CFAP46: variants seen among roughly 807,000 people sequenced by gnomAD.
CFAP46 encodes cilia- and flagella-associated protein 46.
CFAP46 carries 245 observed loss-of-function variants against 325.7 expected under a neutral mutation model. The observed-to-expected ratio is 0.75, with a 90% CI of 0.68 to 0.84. The LOEUF (loss-of-function observed/expected upper bound fraction) is 0.84. Ranked by LOEUF, CFAP46 falls within the 40% of genes least tolerant of loss-of-function variation. CFAP46 has a pLI of 0.00. For synonymous variants in CFAP46, 1,523 were observed against 1,495.9 expected, an observed-to-expected ratio of 1.02 and a Z score of -0.42; for missense variants, 3,346 against 3,543.0, an observed-to-expected ratio of 0.94 and a Z score of 1.41.
rs902124633 is a variant in CFAP46 at position 132,924,759 on chromosome 10, T to C, written c.1193A>G (p.Asn398Ser). The C allele has an allele frequency of 4.7e-5, 72 of 1,538,000 alleles. No individual in the cohort carries two copies. The highest frequency in any genetic ancestry group is 1.8e-6 in the Non-Finnish European group (2 of 1,141,508). The change falls in exon 11 of 58, where the codon AAC becomes AGC. Residue 398 changes from asparagine (N) to serine (S), a missense_variant. Coordinates refer to ENST00000368586, the MANE Select transcript of CFAP46 (RefSeq NM_001200049.3). ...GGGCTTCCGCAGGTGGTGCCGCAGGTTGTGCTGCAGCAGGGGCAGGCAGGT... is the reference window on the plus strand; with the variant it reads ...GGGCTTCCGCAGGTGGTGCCGCAGGCTGTGCTGCAGCAGGGGCAGGCAGGT... ...WNTCLPLLQH[N>S]LRHHLRKPLA...
At chr10:132,860,745 C>T in intron 36 of CFAP46, 37 bp downstream of exon 36, 1 of 1,544,908 alleles carries the variant, frequency 6.5e-7, no homozygotes, top group South Asian at 1.2e-5. Context: ...CCTGGCCCGG[C>T]ACCCGACATG....
chr10:132,887,537 C>G (rs1319976574), intron 25 of CFAP46, among the ~76,000 whole-genome samples: 11 of 105,448 alleles, frequency 1.0e-4, no homozygotes, highest in Non-Finnish European at 1.4e-4. Context: ...CTCTCCTCTC[C>G]CCTCTTCTCT....
chr10:132,924,580 G>T, intron 11 of CFAP46, 116 bp downstream of exon 11: 2 of 1,014,714 alleles, frequency 2.0e-6, no homozygotes, highest in Middle Eastern at 3.4e-4. Flanking sequence ...AGTACAGGGG[G>T]AGTCTGTTGC....
rs750438174 is a variant in CFAP46, at chr10:132,808,549, C to G, written c.8020G>C (p.Gly2674Arg). 5 of 1,613,012 alleles carry G rather than the reference C, an allele frequency of 3.1e-6. No individual in the cohort carries two copies. Among genetic ancestry groups the G allele is most frequent in the Non-Finnish European group, 8.5e-7 (1 of 1,179,952 alleles). Residue 2674 changes from glycine to arginine, a missense_variant, in exon 58 of 58, where the codon GGT becomes CGT. Gly to Arg is a moderately radical substitution (Grantham distance 125). Transcript: ENST00000368586. The surrounding 1 kb of genome is among the most constrained non-coding windows in gnomAD (Gnocchi z 6.8). ...SSSACLCAPW[G>R]LRRGWSCVSS... ...ACGCAGCTCCAGCCCCGACGCAGAC[C>G]CCATGGCGCACACAGGCAGGCAGAG...
chr10:132,850,968 G>A (rs546774633), intron 40 of CFAP46, 149 bp downstream of exon 40: 18 of 834,156 alleles, frequency 2.2e-5, no homozygotes, highest in Admixed American at 2.7e-5. Context: ...GACAATGCCC[G>A]GGAGCTCCCC....
intron 41 of CFAP46, among the ~76,000 whole-genome samples, chr10:132,849,506 G>C (rs976849358): frequency 4.6e-5 from 7 of 152,200 alleles, no homozygotes; most frequent in African/African-American, 1.7e-4. Context: ...GGTGCCTTCC[G>C]GGGGAGGAGC....
At position 132,879,521 on chromosome 10, in the gene CFAP46, C is replaced by G. The variant is rs754794980; in HGVS notation, c.3910G>C (p.Val1304Leu). 1.3e-6 allele frequency: 2 copies of G among 1,547,158 alleles called. No homozygotes were observed. The highest frequency in any genetic ancestry group is 2.4e-5 in the South Asian group (2 of 83,896). The part of the protein sequence containing the change: ...SVRQLEALAR[V>L]HILLALVLSP... ...AGCACCAGGGCCAGCAGGATGTGCACGCGGGCCAGCGCCTCCAGCTGCCGC... is the reference window on the plus strand; with the variant it reads ...AGCACCAGGGCCAGCAGGATGTGCAGGCGGGCCAGCGCCTCCAGCTGCCGC... The change falls in exon 29 of 58, where the codon GTG becomes CTG. Residue 1304 changes from valine (V) to leucine (L), a missense_variant. Val to Leu is a conservative substitution (Grantham distance 32, BLOSUM62 1). Transcript: ENST00000368586.
chr10:132,820,854 CTGA>C (rs1308979069), intron 50 of CFAP46, among the ~76,000 whole-genome samples: 1 of 120,106 alleles, frequency 8.3e-6, no homozygotes, highest in Non-Finnish European at 1.7e-5. Context: ...TGTGTGTGCG[CTGA>C]TGTGTGCTGT....
rs1300436227 is a variant in CFAP46, at chr10:132,885,741, TGTGGGGAGCACTCAC to T, written c.3443+65_3443+79del. 5.1e-5 allele frequency: 69 copies of T among 1,361,006 alleles called. No individual in the cohort carries two copies. In the African/African-American group the frequency reaches 1.0e-3, roughly 21 times the overall value. 84.3% of individuals were successfully genotyped at this position (1,361,006 alleles called of 1,614,324 possible). On this transcript the variant is annotated intron_variant, in intron 26 of 57. Transcript: ENST00000368586. ...CAGTGGGTGGAGCACTCACAGGCGG[TGTGGGGAGCACTCAC>T]AGGCGGTGGGGGGAGCACTCAGGCG...
chr10:132,850,180 G>A (rs890809502), intron 41 of CFAP46, 64 bp downstream of exon 41: 3 of 1,494,404 alleles, frequency 2.0e-6, no homozygotes, highest in Non-Finnish European at 1.8e-6. Context: ...CACTTCGCTT[G>A]TGTTTTTCAG....
rs569834605 is a variant in CFAP46, at chr10:132,851,033, C to T, written c.5763+84G>A. The T allele has an allele frequency of 4.1e-3, 6,258 of 1,528,228 alleles. 15 individuals carry two copies. Among genetic ancestry groups the T allele is most frequent in the Admixed American group, 6.9e-3 (392 of 57,118 alleles). The allele number at this position is 1,528,228 out of a possible 1,614,324, so 94.7% of individuals were successfully genotyped here. ...ACCGCCAGGTGCACAGTGGTGGAGA[C>T]GGCTCCTGCTGGAACGGGGGTCCCA... On this transcript the variant is annotated intron_variant, in intron 40 of 57. Coordinates refer to ENST00000368586, the MANE Select transcript of CFAP46 (RefSeq NM_001200049.3).
intron 1 of CFAP46, 57 bp downstream of exon 1, chr10:132,942,379 G>T: frequency 2.8e-6 from 2 of 707,728 alleles, no homozygotes; most frequent in East Asian, 3.8e-5. Flanking sequence ...CGGGGCGGGG[G>T]TCGTGGCGGG....
In CFAP46 at chr10:132,860,976, C is replaced by T; in HGVS notation, c.4897G>A (p.Asp1633Asn). 3 of 1,550,606 alleles carry T rather than the reference C, an allele frequency of 1.9e-6. No homozygotes were observed. Among genetic ancestry groups the T allele is most frequent in the South Asian group, 2.4e-5 (2 of 84,056 alleles). The change falls in exon 36 of 58, where the codon GAT (aspartate) becomes AAT (asparagine). Residue 1633 changes from aspartate to asparagine, a missense_variant. Coordinates refer to ENST00000368586, the MANE Select transcript of CFAP46 (RefSeq NM_001200049.3). ...CACTGGGCCTCTGCACAAGGCTCATCCAGCTCCTGAAGGAGAGAAACTCAG... is the reference window on the plus strand; with the variant it reads ...CACTGGGCCTCTGCACAAGGCTCATTCAGCTCCTGAAGGAGAGAAACTCAG... ...SEAYLAFQEL[D>N]EPCAEAQCLL...
At chr10:132,836,373 C>T (rs1848248078) in intron 45 of CFAP46, among the ~76,000 whole-genome samples, 155 bp from the exon 46 acceptor site, 1 of 152,034 alleles carries the variant, frequency 6.6e-6, no homozygotes, top group Admixed American at 6.5e-5. Flanking sequence ...CCAGGGGCAC[C>T]GCTGGGTGTG....
chr10:132,920,190 C>T lies in CFAP46; in HGVS notation c.1607-8G>A, dbSNP rs772976282. 66 of 1,527,218 alleles carry T rather than the reference C, an allele frequency of 4.3e-5. No individual in the cohort carries two copies. Among genetic ancestry groups the T allele is most frequent in the Admixed American group, 6.5e-5 (3 of 45,976 alleles). 94.6% of individuals were successfully genotyped at this position (1,527,218 alleles called of 1,614,324 possible). On this transcript the variant is annotated splice_polypyrimidine_tract_variant and splice_region_variant and intron_variant, in intron 13 of 57. Transcript: ENST00000368586. ...TGTTCTTCCCGGTGGAGACTGAGGGCGGAAATGCAAAGGCAGGTGTTGCAG... is the reference window on the plus strand; with the variant it reads ...TGTTCTTCCCGGTGGAGACTGAGGGTGGAAATGCAAAGGCAGGTGTTGCAG...
rs1239552716 is a variant in CFAP46, at chr10:132,939,173, C to T, written c.372-420G>A. ...GACAGAGGGAATCAAGGAAGGCTTC[C>T]TGGAGGAGGTTACATGCCTGCTGTG... On this transcript the variant is annotated intron_variant, in intron 4 of 57. Transcript: ENST00000368586. This position sits in a 1 kb window ranked among gnomAD's most constrained non-coding sequence, Gnocchi z 4.6. Among the ~76,000 whole-genome samples the T allele has an allele frequency of 6.6e-6, 1 of 152,176 alleles. No individual in the cohort carries two copies. Among genetic ancestry groups the T allele is most frequent in the Non-Finnish European group, 1.5e-5 (1 of 68,032 alleles).
chr10:132,924,788 C>T lies in CFAP46; in HGVS notation c.1164G>A (p.Trp388Ter), dbSNP rs1029272360. The T allele has an allele frequency of 4.6e-6, 7 of 1,524,270 alleles. No individual in the cohort carries two copies. The Admixed American group carries it at 8.7e-5, about 19-fold the overall frequency. The allele number at this position is 1,524,270 out of a possible 1,614,324, so 94.4% of individuals were successfully genotyped here. A position where few individuals can be genotyped will look rare whatever the true frequency, so the allele number is the denominator to read the frequency against. ...RVIHVVCATQ[W>*]NTCLPLLQHN... ...GCTGCAGCAGGGGCAGGCAGGTGTTCCACTGCGTGGCGCACACCACGTGGA... is the reference window on the plus strand; with the variant it reads ...GCTGCAGCAGGGGCAGGCAGGTGTTTCACTGCGTGGCGCACACCACGTGGA... The change falls in exon 11 of 58, where the codon TGG becomes TGA. Residue 388 changes from tryptophan (W) to a stop codon, truncating the protein, a stop_gained. Transcript: ENST00000368586. LOFTEE classifies it high-confidence loss of function.
At chr10:132,893,312 T>C (rs1849279053) in intron 24 of CFAP46, among the ~76,000 whole-genome samples, 1 of 152,326 alleles carries the variant, frequency 6.6e-6, no homozygotes, top group Non-Finnish European at 1.5e-5. Flanking sequence ...AGTCAGCCAA[T>C]GTATTGAGAC....
In CFAP46 at chr10:132,908,454, T is replaced by C. The variant is rs1421337170; in HGVS notation, c.2924+14A>G. On this transcript the variant is annotated intron_variant, in intron 22 of 57. Transcript: ENST00000368586. ...CGTTTTGAGGGAATTTGTCCAGTCA[T>C]GAGGGTTACTTACGGCCCAAATTTC... is the stretch of plus-strand genomic sequence containing the variant. 6.5e-7 allele frequency: 1 copy of C among 1,550,314 alleles called. No individual in the cohort carries two copies. The highest frequency in any genetic ancestry group is 8.7e-7 in the Non-Finnish European group (1 of 1,146,842).
Sources: allele counts gnomAD v4.1 joint callset (sites outside exome capture counted in the v4.1 genomes callset), GRCh38; gene constraint gnomAD v4.1.1; non-coding constraint Gnocchi (gnomAD v3.1); transcripts MANE v1.5; gene names NCBI Gene and HGNC (gene_info 2026-07-23, HGNC 2026-07-21).